The following GUCA1B variants were observed in gnomAD, a reference collection of about 807,000 sequenced individuals.
The protein encoded by GUCA1B is guanylyl cyclase-activating protein 2.
GUCA1B carries 22 observed loss-of-function variants against 24.2 expected under a neutral mutation model. The observed-to-expected ratio is 0.91, with a 90% confidence interval of 0.65 to 1.30. GUCA1B has a LOEUF of 1.30. GUCA1B is among the 50% of genes most tolerant of loss of function. GUCA1B has a pLI of 0.00. For synonymous variants in GUCA1B, 100 were observed against 97.9 expected (o/e 1.02, Z -0.13); for missense variants, 221 against 258.8 (o/e 0.85, Z 1.00).
In GUCA1B at chr6:42,184,541, A is replaced by G. The variant is rs906709397; in HGVS notation, c.*274T>C. On this transcript the variant is annotated 3_prime_UTR_variant, in exon 4 of 4. Coordinates refer to ENST00000230361, the MANE Select transcript of GUCA1B (RefSeq NM_002098.6). ...CACCCAGAAACTGTGGGAGCCCCACAACCACCCAGCCAAGGCACAGTCCTC... is the reference window on the plus strand; with the variant it reads ...CACCCAGAAACTGTGGGAGCCCCACGACCACCCAGCCAAGGCACAGTCCTC... 1.7e-5 allele frequency: 8 copies of G among 470,856 alleles called. No homozygotes were observed. The highest frequency in any genetic ancestry group is 6.5e-5 in the Admixed American group (2 of 30,804). The allele number at this position is 470,856 out of a possible 1,614,324, so 29.2% of individuals were successfully genotyped here. A position where few individuals can be genotyped will look rare whatever the true frequency, so the allele number is the denominator to read the frequency against.
At chr6:42,193,829 T>C (rs1219067584) in intron 1 of GUCA1B, among the ~76,000 whole-genome samples, 1 of 152,202 alleles carries the variant, frequency 6.6e-6, no homozygotes, top group African/African-American at 2.4e-5. Context: ...CAGATTAAAT[T>C]GGTATTTGAG....
rs115829430 is a variant in GUCA1B, at chr6:42,194,498, A to C, written c.207+116T>G. On this transcript the variant is annotated intron_variant, in intron 1 of 3. Transcript: ENST00000230361. Reference sequence around the variant, plus strand: ...GAAAAGGTAAAGAGAGACGGAGTGGAAAGAAGAGCAGAGAAAGAGCCGAGG... The same window carrying C: ...GAAAAGGTAAAGAGAGACGGAGTGGCAAGAAGAGCAGAGAAAGAGCCGAGG... 479 of 755,366 alleles carry C rather than the reference A, an allele frequency of 6.3e-4. 5 individuals carry two copies. The African/African-American group carries it at 7.2e-3, about 11-fold the overall frequency. The allele number at this position is 755,366 out of a possible 1,614,324, so 46.8% of individuals were successfully genotyped here.
intron 3 of GUCA1B, 68 bp downstream of exon 3, chr6:42,185,611 AG>A (rs1768179193): frequency 1.0e-6 from 1 of 960,048 alleles, no homozygotes; most frequent in African/African-American, 1.6e-5. Context: ...GCCTTGCCCA[AG>A]GACGTGCGGC....
Position 42,184,701 on chromosome 6 carries a change from G to T in GUCA1B, c.*114C>A. The T allele has an allele frequency of 9.2e-7, 1 of 1,082,376 alleles. No homozygotes were observed. The highest frequency in any genetic ancestry group is 1.4e-6 in the Non-Finnish European group (1 of 705,616). 67.0% of individuals were successfully genotyped at this position (1,082,376 alleles called of 1,614,324 possible). A position where few individuals can be genotyped will look rare whatever the true frequency, so the allele number is the denominator to read the frequency against. ...ATCCCCACTCAGCCCTGCACAGGGG[G>T]TGCCAGGAAGTCAACACCAGGGGAA... On this transcript the variant is annotated 3_prime_UTR_variant, in exon 4 of 4. Transcript: ENST00000230361.
chr6:42,188,714 G>A lies in GUCA1B; in HGVS notation c.225C>T (p.Phe75=). 6.2e-7 allele frequency: 1 copy of A among 1,613,948 alleles called. No individual in the cohort carries two copies. Among genetic ancestry groups the A allele is most frequent in the Non-Finnish European group, 8.5e-7 (1 of 1,179,970 alleles). The part of the protein sequence containing the change: ...FDKNGDNTID[F]LEYVAALNLV... ...GATTCAGAGCTGCCACGTACTCCAG[G>A]AAGTCGATGGTGTTGTCCTGCATTA... The change falls in exon 2 of 4, where the codon TTC becomes TTT. Residue 75 remains phenylalanine, a synonymous_variant. Coordinates refer to ENST00000230361, the MANE Select transcript of GUCA1B (RefSeq NM_002098.6).
At chr6:42,188,473 T>C (rs1006339444) in intron 2 of GUCA1B, 109 bp downstream of exon 2, 3 of 892,034 alleles carry the variant, frequency 3.4e-6, no homozygotes, top group African/African-American at 3.3e-5. Context: ...ACACTCAGAA[T>C]GATTTCAAGG....
chr6:42,188,917 C>CA lies in GUCA1B; in HGVS notation c.208-187_208-186insT, dbSNP rs1469315557. Among the ~76,000 whole-genome samples, 796 of 146,332 alleles carry CA rather than the reference C, an allele frequency of 5.4e-3. 13 individuals are homozygous for CA. Among genetic ancestry groups the CA allele is most frequent in the African/African-American group, 0.02 (723 of 36,884 alleles). On this transcript the variant is annotated intron_variant, in intron 1 of 3. Transcript: ENST00000230361. ...CTATCTATCTATATCTATATCATCT[C>CA]TCTCTCTCTCTCTCTATCTGACTAT...
chr6:42,193,590 G>T (rs1768346477), intron 1 of GUCA1B, among the ~76,000 whole-genome samples: 1 of 152,220 alleles, frequency 6.6e-6, no homozygotes, highest in Non-Finnish European at 1.5e-5. Context: ...GCGCTGAGAA[G>T]TCCGAAACTG....
At chr6:42,192,387 AAAGAAAAG>A (rs1562064898) in intron 1 of GUCA1B, among the ~76,000 whole-genome samples, 3 of 7,270 alleles carry the variant, frequency 4.1e-4, no homozygotes, top group Non-Finnish European at 8.7e-4. Context: ...AAAAGAGAGA[AAAGAAAAG>A]AAAAGAAAAG....
rs1028078823 is a variant in GUCA1B at position 42,183,679 on chromosome 6, C to T, written c.*1136G>A. ...TCACACAGCAGTTAGAAGCCAAGCC[C>T]AGCCCACAATCCCAGTCAACAGTCC... On this transcript the variant is annotated 3_prime_UTR_variant, in exon 4 of 4. Transcript: ENST00000230361. Among the ~76,000 whole-genome samples the T allele has an allele frequency of 6.6e-6, 1 of 152,190 alleles. No individual in the cohort carries two copies. Among genetic ancestry groups the T allele is most frequent in the Non-Finnish European group, 1.5e-5 (1 of 68,034 alleles).
chr6:42,184,408 A>AG lies in GUCA1B; in HGVS notation c.*406dup, dbSNP rs1768159138. 6.8e-6 allele frequency: 2 copies of AG among 294,360 alleles called. No homozygotes were observed. Among genetic ancestry groups the AG allele is most frequent in the South Asian group, 6.8e-5 (2 of 29,250 alleles). The allele number at this position is 294,360 out of a possible 1,614,324, so 18.2% of individuals were successfully genotyped here. Reference sequence around the variant, plus strand: ...GCCCGGCAACTCCTGCCTTTTCTTCAGTCTCAACACCCTCCCACCCCTGCC... The same window carrying AG: ...GCCCGGCAACTCCTGCCTTTTCTTCAGGTCTCAACACCCTCCCACCCCTGCC... On this transcript the variant is annotated 3_prime_UTR_variant, in exon 4 of 4. Transcript: ENST00000230361.
intron 1 of GUCA1B, among the ~76,000 whole-genome samples, chr6:42,192,359 A>C (rs1212769097): frequency 1.9e-4 from 2 of 10,266 alleles, no homozygotes; most frequent in African/African-American, 7.2e-4. Flanking sequence ...AACTCAAAAA[A>C]AAAAAAAAAA....
Position 42,184,609 on chromosome 6 carries a change from C to T in GUCA1B, c.*206G>A, listed in dbSNP as rs1768161755. ...GGAAAAGTAACTGAATTCCCTTCAC[C>T]ATCCCAGGGACTCCTCCAAAATGGA... On this transcript the variant is annotated 3_prime_UTR_variant, in exon 4 of 4. Transcript: ENST00000230361. 4 of 640,480 alleles carry T rather than the reference C, an allele frequency of 6.2e-6. No homozygotes were observed. Among genetic ancestry groups the T allele is most frequent in the South Asian group, 4.9e-5 (3 of 61,296 alleles). 39.7% of individuals were successfully genotyped at this position (640,480 alleles called of 1,614,324 possible).
At chr6:42,185,596 G>A in intron 3 of GUCA1B, 84 bp downstream of exon 3, 1 of 822,172 alleles carries the variant, frequency 1.2e-6, no homozygotes, top group Admixed American at 1.8e-5. Context: ...GTTGGAAGGT[G>A]GAGGGCCTTG....
chr6:42,188,782 T>C lies in GUCA1B; in HGVS notation c.208-51A>G, dbSNP rs758484414. 1.1e-5 allele frequency: 17 copies of C among 1,563,862 alleles called. No individual in the cohort carries two copies. The South Asian group carries it at 1.4e-4, about 13-fold the overall frequency. ...GGGCACAGCCCACCTCCCCAGAGCA[T>C]AGGCCATTCATCCCTGCAAACACAG... On this transcript the variant is annotated intron_variant, in intron 1 of 3. Transcript: ENST00000230361.
In GUCA1B at chr6:42,184,566, C is replaced by G. The variant is rs1247998467; in HGVS notation, c.*249G>C. ...AACCACCCAGCCAAGGCACAGTCCT[C>G]CCAGGAGCGGCTGAACAGGAAAAGT... is the stretch of plus-strand genomic sequence containing the variant. On this transcript the variant is annotated 3_prime_UTR_variant, in exon 4 of 4. Transcript: ENST00000230361. 3.8e-6 allele frequency: 2 copies of G among 532,914 alleles called. No homozygotes were observed. The highest frequency in any genetic ancestry group is 5.2e-5 in the Admixed American group (2 of 38,378). The allele number at this position is 532,914 out of a possible 1,614,324, so 33.0% of individuals were successfully genotyped here. A position where few individuals can be genotyped will look rare whatever the true frequency, so the allele number is the denominator to read the frequency against.
chr6:42,192,046 AAAAAAG>A (rs1473129069), intron 1 of GUCA1B, among the ~76,000 whole-genome samples: 1 of 97,412 alleles, frequency 1.0e-5, no homozygotes, highest in Non-Finnish European at 2.5e-5. Context: ...TACAAAAAAA[AAAAAAG>A]AAAAAAAAAA....
chr6:42,185,647 G>T, intron 3 of GUCA1B, 33 bp downstream of exon 3: 1 of 1,265,350 alleles, frequency 7.9e-7, no homozygotes, highest in Non-Finnish European at 1.2e-6. Flanking sequence ...GATGCAGAGT[G>T]GACAGCACTC....
At chr6:42,186,507 C>T (rs1286980189) in intron 2 of GUCA1B, among the ~76,000 whole-genome samples, 1 of 152,010 alleles carries the variant, frequency 6.6e-6, no homozygotes. Context: ...GCAGGAGAAT[C>T]GCTTGAACCT....
Sources: allele counts gnomAD v4.1 joint callset (sites outside exome capture counted in the v4.1 genomes callset), GRCh38; gene constraint gnomAD v4.1.1; transcripts MANE v1.5; gene names NCBI Gene and HGNC (gene_info 2026-07-23, HGNC 2026-07-21).